BTBD9: variants seen among roughly 807,000 people sequenced by gnomAD.
BTBD9 encodes the protein BTB/POZ domain-containing protein 9.
In BTBD9, 49 loss-of-function variants were observed where a neutral mutation model predicts 64.3. That is an observed-to-expected ratio of 0.76 (90% CI 0.61 to 0.97). The LOEUF is 0.97. Among genes scored for constraint, BTBD9 ranks in the 50% least tolerant of loss-of-function variants. The pLI, the probability that BTBD9 is intolerant of heterozygous loss-of-function variation, is 0.00. For missense variants in BTBD9, 598 were observed against 762.1 expected, an observed-to-expected ratio of 0.78 and a Z score of 2.53; for synonymous variants, 260 against 274.7, an observed-to-expected ratio of 0.95 and a Z score of 0.53.
intron 8 of BTBD9, among the ~76,000 whole-genome samples, chr6:38,276,308 T>G: frequency 7.7e-6 from 1 of 129,650 alleles, no homozygotes. Flanking sequence ...ATGGAACACA[T>G]GGACACAGGA....
chr6:38,558,047 C>T (rs1017959451), intron 6 of BTBD9, among the ~76,000 whole-genome samples: 4 of 152,024 alleles, frequency 2.6e-5, no homozygotes, highest in Non-Finnish European at 2.9e-5. Context: ...ATTACTTTAG[C>T]CCAGGAGTTT....
chr6:38,422,179 T>C (rs1767931732), intron 6 of BTBD9, among the ~76,000 whole-genome samples: 1 of 152,174 alleles, frequency 6.6e-6, no homozygotes, highest in African/African-American at 2.4e-5. Context: ...TTCTCCTTTA[T>C]GGTACAGCTA....
At chr6:38,627,423 A>G (rs1778207179) in intron 1 of BTBD9, among the ~76,000 whole-genome samples, 3 of 152,242 alleles carry the variant, frequency 2.0e-5, no homozygotes, top group Admixed American at 6.5e-5. Context: ...TATGGGCTTA[A>G]GAATAAACAT....
rs180807905 is a variant in BTBD9 at position 38,187,884 on chromosome 6, G to A, written c.1641+4635C>T. Among the ~76,000 whole-genome samples the A allele has an allele frequency of 5.7e-4, 87 of 152,318 alleles. 1 individual carries two copies. The highest frequency in any genetic ancestry group is 1.9e-4 in the East Asian group (1 of 5,186). On this transcript the variant is annotated intron_variant, in intron 10 of 10. Coordinates refer to ENST00000481247, the MANE Select transcript of BTBD9 (RefSeq NM_001099272.2). ...TCCCAGAGGAGAGGGATGGAATGCCGCAGGAAATCAGAAGCGTGCCAGAGC... is the reference window on the plus strand; with the variant it reads ...TCCCAGAGGAGAGGGATGGAATGCCACAGGAAATCAGAAGCGTGCCAGAGC...
chr6:38,412,444 A>C (rs1236766547), intron 6 of BTBD9, among the ~76,000 whole-genome samples: 2 of 152,086 alleles, frequency 1.3e-5, no homozygotes, highest in Admixed American at 6.6e-5. Flanking sequence ...GAGTGTAGGG[A>C]AACAGGCCCT....
At position 38,576,699 on chromosome 6, in the gene BTBD9, C is replaced by A. The variant is rs117858525; in HGVS notation, c.1154+901G>T. Reference sequence around the variant, plus strand: ...TCTCCATGGTGTACACTCACCATATCCCTTCCCTTTTCTTCCTGAGCAAAC... The same window carrying A: ...TCTCCATGGTGTACACTCACCATATACCTTCCCTTTTCTTCCTGAGCAAAC... On this transcript the variant is annotated intron_variant, in intron 6 of 10. Coordinates refer to ENST00000481247, the MANE Select transcript of BTBD9 (RefSeq NM_001099272.2). Among the ~76,000 whole-genome samples the A allele has an allele frequency of 2.2e-3, 333 of 152,254 alleles. 6 individuals carry two copies. The East Asian group carries it at 0.036, about 17-fold the overall frequency.
Position 38,387,273 on chromosome 6 carries a change from A to G in BTBD9, c.1155-42180T>C, listed in dbSNP as rs1766215314. Among the ~76,000 whole-genome samples, 4 of 152,368 alleles carry G rather than the reference A, an allele frequency of 2.6e-5. No homozygotes were observed. In the South Asian group the frequency reaches 8.3e-4, roughly 32 times the overall value. On this transcript the variant is annotated intron_variant, in intron 6 of 10. Coordinates refer to ENST00000481247, the MANE Select transcript of BTBD9 (RefSeq NM_001099272.2). ...AAAAGTTGGCCGGGCACAGTGGCTC[A>G]CGCCTGTAATCCCAACACTTTGGGA...
At chr6:38,443,540 A>G (rs915014387) in intron 6 of BTBD9, among the ~76,000 whole-genome samples, 2 of 152,142 alleles carry the variant, frequency 1.3e-5, no homozygotes, top group African/African-American at 4.8e-5. Flanking sequence ...CCTCCAAAAT[A>G]GCTTCTCCAC....
chr6:38,290,934 G>A (rs1476236853), intron 7 of BTBD9, among the ~76,000 whole-genome samples: 1 of 152,178 alleles, frequency 6.6e-6, no homozygotes, highest in Non-Finnish European at 1.5e-5. Context: ...AGTATTTAAA[G>A]TATTTCAATG....
intron 9 of BTBD9, among the ~76,000 whole-genome samples, chr6:38,246,260 A>C (rs1174002433): frequency 6.6e-6 from 1 of 152,206 alleles, no homozygotes; most frequent in Non-Finnish European, 1.5e-5. Flanking sequence ...TGCAGGTATG[A>C]CTGGCTGACT....
intron 7 of BTBD9, among the ~76,000 whole-genome samples, chr6:38,289,790 T>C (rs1554135700): frequency 6.6e-6 from 1 of 152,176 alleles, no homozygotes; most frequent in Non-Finnish European, 1.5e-5. Context: ...TGCTCATTTA[T>C]AAAAGTCAAG....
intron 6 of BTBD9, among the ~76,000 whole-genome samples, chr6:38,420,972 A>T (rs1488385926): frequency 6.6e-6 from 1 of 152,226 alleles, no homozygotes; most frequent in Non-Finnish European, 1.5e-5. Context: ...ATAACTGTCA[A>T]ATACAGTAAA....
intron 6 of BTBD9, among the ~76,000 whole-genome samples, chr6:38,388,265 TCA>T (rs1023841693): frequency 9.9e-5 from 15 of 152,050 alleles, no homozygotes; most frequent in African/African-American, 3.6e-4. Context: ...GCTTTGAGGT[TCA>T]CAGTTTAACT....
At chr6:38,509,247 C>T (rs145670739) in intron 6 of BTBD9, among the ~76,000 whole-genome samples, 87 of 152,338 alleles carry the variant, frequency 5.7e-4, no homozygotes, top group African/African-American at 2.1e-3. Flanking sequence ...TGTTCTTCTG[C>T]ACAAGGGTAA....
Position 38,580,441 on chromosome 6 carries a change from C to G in BTBD9, c.815-4G>C. ...GTTGCAATGTTTTCTTCTGGTACTA[C>G]AGTTAAAAATAGAAAAAGCAAGGTT... On this transcript the variant is annotated splice_region_variant and splice_polypyrimidine_tract_variant and intron_variant, in intron 4 of 10. Coordinates refer to ENST00000481247, the MANE Select transcript of BTBD9 (RefSeq NM_001099272.2). 6.2e-7 allele frequency: 1 copy of G among 1,610,302 alleles called. No individual in the cohort carries two copies. The highest frequency in any genetic ancestry group is 8.5e-7 in the Non-Finnish European group (1 of 1,177,320).
chr6:38,429,450 C>A (rs1308178274), intron 6 of BTBD9, among the ~76,000 whole-genome samples: 2 of 131,264 alleles, frequency 1.5e-5, no homozygotes, highest in South Asian at 5.6e-4. Context: ...AGCAAGACTA[C>A]GTCTCAAAAA....
At chr6:38,589,070 C>G (rs1460015027) in intron 4 of BTBD9, among the ~76,000 whole-genome samples, 1 of 152,176 alleles carries the variant, frequency 6.6e-6, no homozygotes, top group Non-Finnish European at 1.5e-5. Context: ...TTAATCATTA[C>G]TCAAGTTCAG....
chr6:38,405,372 GA>G (rs1422867720), intron 6 of BTBD9, among the ~76,000 whole-genome samples: 2 of 152,178 alleles, frequency 1.3e-5, no homozygotes, highest in Non-Finnish European at 2.9e-5. Context: ...TTGCCATAGA[GA>G]GTAATGATTC....
intron 6 of BTBD9, among the ~76,000 whole-genome samples, chr6:38,363,946 C>T (rs1765083079): frequency 6.6e-6 from 1 of 152,164 alleles, no homozygotes; most frequent in African/African-American, 2.4e-5. Flanking sequence ...CTCCACTTCT[C>T]CTGTCTTAGG....
Sources: allele counts gnomAD v4.1 joint callset (sites outside exome capture counted in the v4.1 genomes callset), GRCh38; gene constraint gnomAD v4.1.1; transcripts MANE v1.5; gene names NCBI Gene and HGNC (gene_info 2026-07-23, HGNC 2026-07-21).